The following BCR variants were observed in gnomAD, a reference collection of about 807,000 sequenced individuals.
The protein encoded by BCR is breakpoint cluster region protein.
A neutral mutation model predicts 138.6 loss-of-function variants in BCR; 58 were observed. The ratio of observed to expected loss-of-function variants is 0.42; its 90% CI spans 0.34 to 0.52. BCR has a LOEUF of 0.52. Among genes scored for constraint, BCR ranks in the 20% least tolerant of loss-of-function variants. The pLI is 0.06. For missense variants in BCR, 1,599 were observed against 1,727.2 expected (o/e 0.93, Z 1.32); for synonymous variants, 786 against 730.1 (o/e 1.08, Z -1.23).
At chr22:23,287,410 C>T in intron 11 of BCR, 132 bp downstream of exon 11, 1 of 1,361,228 alleles carries the variant, frequency 7.3e-7, no homozygotes, top group Non-Finnish European at 9.7e-7. Flanking sequence ...TGCATGCAAG[C>T]ACGCACATTC....
At chr22:23,183,240 GGT>G (rs1434268573) in intron 1 of BCR, among the ~76,000 whole-genome samples, 1 of 152,100 alleles carries the variant, frequency 6.6e-6, no homozygotes, top group African/African-American at 2.4e-5. Flanking sequence ...GGTGGGCTGG[GGT>G]GTGTGTGTGA....
chr22:23,214,577 G>T (rs931255370), intron 1 of BCR, among the ~76,000 whole-genome samples: 3 of 152,176 alleles, frequency 2.0e-5, no homozygotes, highest in African/African-American at 4.8e-5. Flanking sequence ...TTCGTGCTTC[G>T]TGTGCCCTCC....
At chr22:23,303,106 G>C (rs1322635537) in intron 16 of BCR, among the ~76,000 whole-genome samples, 1 of 151,736 alleles carries the variant, frequency 6.6e-6, no homozygotes. Flanking sequence ...AACAGTACTT[G>C]CTTTGTGCCA....
intron 1 of BCR, chr22:23,217,192 T>C (rs559407007): frequency 1.1e-5 from 3 of 276,506 alleles, no homozygotes. Flanking sequence ...GTGGATGACT[T>C]TTTTAGATTT....
At chr22:23,285,899 T>C (rs1384829293) in intron 10 of BCR, among the ~76,000 whole-genome samples, 1 of 152,216 alleles carries the variant, frequency 6.6e-6, no homozygotes, top group Non-Finnish European at 1.5e-5. Context: ...ATGGTCCTTT[T>C]AAGGAAGCAG....
In BCR at chr22:23,288,001, A is replaced by T. The variant is rs1404186934; in HGVS notation, c.2527-96A>T. The T allele has an allele frequency of 3.4e-6, 4 of 1,188,294 alleles. No homozygotes were observed. In the East Asian group the frequency reaches 9.4e-5, roughly 28 times the overall value. The allele number at this position is 1,188,294 out of a possible 1,614,324, so 73.6% of individuals were successfully genotyped here. ...TGGCCACTGGGCTCCAGCCGGCTGG[A>T]GATACGAGTTGTGTGCTCTAAGGTG... On this transcript the variant is annotated intron_variant, in intron 11 of 22. Coordinates refer to ENST00000305877, the MANE Select transcript of BCR (RefSeq NM_004327.4).
chr22:23,223,397 G>C (rs2072851050), intron 1 of BCR, among the ~76,000 whole-genome samples: 1 of 152,184 alleles, frequency 6.6e-6, no homozygotes. Context: ...TGGGGGACAG[G>C]AGCAGGGGCC....
At chr22:23,248,723 C>A (rs1363035430) in intron 1 of BCR, among the ~76,000 whole-genome samples, 2 of 152,160 alleles carry the variant, frequency 1.3e-5, no homozygotes, top group African/African-American at 4.8e-5. Context: ...CACTCCTAGT[C>A]TGGTTCCTGG....
intron 1 of BCR, among the ~76,000 whole-genome samples, chr22:23,238,286 A>C (rs1418505768): frequency 6.6e-6 from 1 of 152,102 alleles, no homozygotes; most frequent in Non-Finnish European, 1.5e-5. Context: ...TAAGAATGGA[A>C]GAGTTCCTGG....
Position 23,253,927 on chromosome 22 carries a change from G to A in BCR, c.1408G>A (p.Gly470Ser). The change falls in exon 2 of 23, where the codon GGC becomes AGC. Residue 470 changes from glycine (G) to serine (S), a missense_variant. By Grantham distance (56) the Gly-to-Ser change is moderately conservative (BLOSUM62 0). Coordinates refer to ENST00000305877, the MANE Select transcript of BCR (RefSeq NM_004327.4). ...PSSSPHLSSK[G>S]RGSRDALVSG... The stretch of plus-strand genomic sequence containing the variant: ...CTCATCGCCCCACCTCAGCAGCAAG[G>A]GCAGGGGCAGCCGGGATGCGCTGGT... The A allele has an allele frequency of 6.2e-7, 1 of 1,613,168 alleles. No homozygotes were observed. Among genetic ancestry groups the A allele is most frequent in the Non-Finnish European group, 8.5e-7 (1 of 1,179,958 alleles).
chr22:23,193,241 T>C (rs532753985), intron 1 of BCR, among the ~76,000 whole-genome samples: 2 of 152,242 alleles, frequency 1.3e-5, no homozygotes. Flanking sequence ...AGGCAACATA[T>C]GTTGACAGTG....
intron 2 of BCR, among the ~76,000 whole-genome samples, chr22:23,258,085 C>A (rs1196452291): frequency 6.6e-6 from 1 of 152,238 alleles, no homozygotes; most frequent in East Asian, 1.9e-4. Context: ...TGTCCTTTTC[C>A]TTGGAGCTGC....
At chr22:23,273,494 G>A (rs1014882890) in intron 7 of BCR, 140 bp from the exon 8 acceptor site, 2 of 1,170,740 alleles carry the variant, frequency 1.7e-6, no homozygotes, top group Non-Finnish European at 1.2e-6. Flanking sequence ...ACAAAGCTGG[G>A]GCCCAAGTGA....
At chr22:23,218,034 G>C (rs766725017) in intron 1 of BCR, among the ~76,000 whole-genome samples, 1 of 152,190 alleles carries the variant, frequency 6.6e-6, no homozygotes, top group Non-Finnish European at 1.5e-5. Context: ...GGGAAACTTC[G>C]GGCCTGCAGT....
chr22:23,262,976 A>G (rs2073385038), intron 4 of BCR: 4 of 925,960 alleles, frequency 4.3e-6, no homozygotes, highest in Non-Finnish European at 5.8e-6. Context: ...TCATCAAAGG[A>G]GATGAGGGGA....
chr22:23,268,591 G>C (rs913680897), intron 5 of BCR, 76 bp downstream of exon 5: 21 of 1,246,692 alleles, frequency 1.7e-5, no homozygotes, highest in Non-Finnish European at 2.3e-5. Context: ...GGAGAACAGA[G>C]TGCACCAGAT....
intron 1 of BCR, among the ~76,000 whole-genome samples, chr22:23,243,287 T>C (rs767676953): frequency 1.2e-4 from 19 of 152,002 alleles, no homozygotes; most frequent in Admixed American, 6.6e-4. Context: ...GGTTGGAACT[T>C]TAGCTCCACC....
Position 23,219,912 on chromosome 22 carries a change from C to T in BCR, c.1280-33887C>T, listed in dbSNP as rs577096652. On this transcript the variant is annotated intron_variant, in intron 1 of 22. Transcript: ENST00000305877. ...CTCCTTCATGCCTCCTTCCTGGGCT[C>T]CCTTTGGTACTTGTGTGTGCACCGC... Among the ~76,000 whole-genome samples, 10 of 106,110 alleles carry T rather than the reference C, an allele frequency of 9.4e-5. No homozygotes were observed. The East Asian group carries it at 2.6e-3, about 27-fold the overall frequency. 69.6% of individuals were successfully genotyped at this position (106,110 alleles called of 152,430 possible).
At position 23,233,814 on chromosome 22, in the gene BCR, A is replaced by AAAAAAAAG. The variant is rs1491402007; in HGVS notation, c.1280-19978_1280-19977insGAAAAAAA. Among the ~76,000 whole-genome samples, 12 of 28,524 alleles carry AAAAAAAAG rather than the reference A, an allele frequency of 4.2e-4. No individual in the cohort carries two copies. In the East Asian group the frequency reaches 6.5e-3, roughly 16 times the overall value. The allele number at this position is 28,524 out of a possible 152,430, so 18.7% of individuals were successfully genotyped here. On this transcript the variant is annotated intron_variant, in intron 1 of 22. Transcript: ENST00000305877. ...CAAAAAAAAAAAAAAGAAAAAAAAG[A>AAAAAAAAG]AAAAAAAAAAGAAGAACATGGTGAC...
Sources: gnomAD v4.1 joint callset for allele counts (sites outside exome capture counted in the v4.1 genomes callset) on GRCh38, gnomAD v4.1.1 for gene constraint, MANE v1.5 for transcripts, NCBI Gene and HGNC (gene_info 2026-07-23, HGNC 2026-07-21) for gene names.